The following ZNFX1 variants were observed in gnomAD, a reference collection of about 807,000 sequenced individuals.
ZNFX1 encodes zinc finger NFX1-type containing 1, also known as NFX1-type zinc finger-containing protein 1.
A neutral mutation model predicts 179.8 loss-of-function variants in ZNFX1; 78 were observed. That is an observed-to-expected ratio of 0.43 (90% CI 0.36 to 0.52). The LOEUF is 0.52. Ranked by LOEUF, ZNFX1 falls within the 20% of genes least tolerant of loss-of-function variation. The probability of loss-of-function intolerance (pLI) is 0.00; values close to 1 mark genes in which losing one functional copy is unlikely to be tolerated. For missense variants in ZNFX1, 1,927 were observed against 2,386.6 expected, an observed-to-expected ratio of 0.81 and a Z score of 4.01; for synonymous variants, 848 against 868.5, an observed-to-expected ratio of 0.98 and a Z score of 0.42.
chr20:49,249,558 T>C lies in ZNFX1; in HGVS notation c.3466A>G (p.Ile1156Val). The C allele has an allele frequency of 6.2e-7, 1 of 1,614,238 alleles. No individual in the cohort carries two copies. Among genetic ancestry groups the C allele is most frequent in the Non-Finnish European group, 8.5e-7 (1 of 1,180,040 alleles). The change falls in exon 14 of 14, where the codon ATC (isoleucine) becomes GTC (valine). Residue 1156 changes from isoleucine (I) to valine (V), a missense_variant. Coordinates refer to ENST00000396105, the MANE Select transcript of ZNFX1 (RefSeq NM_021035.3). ...AGCTGCCCGGTATAGGTAGTGAGGA[T>C]GGTGATCTGGGAAGGCAGGTATTCC... ...CQEYLPSQITILTTYTGQLFC... is the reference protein window; with the variant it reads ...CQEYLPSQITVLTTYTGQLFC...
chr20:49,269,921 C>A, intron 3 of ZNFX1, 21 bp downstream of exon 3: 1 of 1,567,376 alleles, frequency 6.4e-7, no homozygotes, highest in Non-Finnish European at 8.6e-7. Context: ...ATCTTATGTA[C>A]TCTAAAAAAT....
rs1183381307 is a variant in ZNFX1, at chr20:49,248,884, C to G, written c.4140G>C (p.Leu1380=). ...FCCQEPCSKS[L]RCGHRCSHPC... is the part of the protein sequence containing the mutation. ...GGTGGCTGCATCTGTGCCCACATCT[C>G]AGAGACTTGGAGCAAGGCTCCTGGC... Residue 1380 remains leucine (L), a synonymous_variant, in exon 14 of 14, where the codon CTG becomes CTC. Transcript: ENST00000396105. The surrounding 1 kb of genome is among the most constrained non-coding windows in gnomAD (Gnocchi z 4.6). 1.2e-6 allele frequency: 2 copies of G among 1,614,274 alleles called. No individual in the cohort carries two copies. The highest frequency in any genetic ancestry group is 1.7e-6 in the Non-Finnish European group (2 of 1,180,052).
chr20:49,261,636 G>A (rs1442002612), intron 6 of ZNFX1, among the ~76,000 whole-genome samples: 2 of 150,882 alleles, frequency 1.3e-5, no homozygotes, highest in South Asian at 2.1e-4. Context: ...ACAACAAACC[G>A]CCATGACACA....
intron 2 of ZNFX1, among the ~76,000 whole-genome samples, chr20:49,274,407 G>A (rs1317214658): frequency 6.6e-6 from 1 of 152,142 alleles, no homozygotes; most frequent in Non-Finnish European, 1.5e-5. Flanking sequence ...GTTATACTGG[G>A]TTAAATAAGA....
Position 49,271,335 on chromosome 20 carries a change from C to G in ZNFX1, c.477G>C (p.Glu159Asp), listed in dbSNP as rs1007709355. ...LESLLQKDPS[E>D]VVITLATSLG... ...AACTTGTGGCAAGTGTGATGACCACCTCAGAAGGGTCTTTCTGCAGAAGAC... is the reference window on the plus strand; with the variant it reads ...AACTTGTGGCAAGTGTGATGACCACGTCAGAAGGGTCTTTCTGCAGAAGAC... Residue 159 changes from glutamate to aspartate, a missense_variant, in exon 3 of 14, where the codon GAG (glutamate) becomes GAC (aspartate). Physicochemically the swap from Glu to Asp is conservative, Grantham distance 45. Coordinates refer to ENST00000396105, the MANE Select transcript of ZNFX1 (RefSeq NM_021035.3). 5.0e-6 allele frequency: 8 copies of G among 1,614,170 alleles called. No homozygotes were observed. The highest frequency in any genetic ancestry group is 6.8e-6 in the Non-Finnish European group (8 of 1,180,030).
chr20:49,269,364 G>A (rs1226887487), intron 3 of ZNFX1, among the ~76,000 whole-genome samples: 1 of 152,144 alleles, frequency 6.6e-6, no homozygotes, highest in African/African-American at 2.4e-5. Context: ...AGGATAGAGT[G>A]GGAGGAGGGT....
intron 3 of ZNFX1, 133 bp downstream of exon 3, chr20:49,269,809 C>G (rs923884595): frequency 6.5e-6 from 7 of 1,083,034 alleles, no homozygotes. Context: ...GCACATGTAC[C>G]CCTAAACCTA....
In ZNFX1 at chr20:49,253,829, G is replaced by C. The variant is rs1980902839; in HGVS notation, c.2960-18C>G. 1.2e-6 allele frequency: 2 copies of C among 1,613,462 alleles called. No homozygotes were observed. Among genetic ancestry groups the C allele is most frequent in the African/African-American group, 2.7e-5 (2 of 75,048 alleles). On this transcript the variant is annotated intron_variant, in intron 10 of 13. Coordinates refer to ENST00000396105, the MANE Select transcript of ZNFX1 (RefSeq NM_021035.3). ...GGCAGCACCTCAAGTGAGGAAAGAA[G>C]AGAAAGGCTCCTCTGAGCTGAGGCA... is the stretch of plus-strand genomic sequence containing the variant.
intron 3 of ZNFX1, among the ~76,000 whole-genome samples, chr20:49,268,784 C>A (rs1189345275): frequency 2.0e-5 from 3 of 152,140 alleles, no homozygotes; most frequent in Non-Finnish European, 4.4e-5. Flanking sequence ...CAAATCAAAA[C>A]CACAATGAGA....
chr20:49,251,139 GCTTT>G (rs879665995), intron 13 of ZNFX1, among the ~76,000 whole-genome samples: 7 of 151,936 alleles, frequency 4.6e-5, no homozygotes, highest in South Asian at 2.1e-4. Flanking sequence ...CCTTCTGAAG[GCTTT>G]CTTTTTTTTT....
At chr20:49,262,188 G>A (rs1189894925) in intron 6 of ZNFX1, among the ~76,000 whole-genome samples, 2 of 151,696 alleles carry the variant, frequency 1.3e-5, no homozygotes, top group Non-Finnish European at 2.9e-5. Context: ...GCCGAGGTGG[G>A]CGGGTCACCT....
intron 2 of ZNFX1, among the ~76,000 whole-genome samples, chr20:49,274,593 T>C (rs1009896519): frequency 2.0e-5 from 3 of 152,024 alleles, no homozygotes; most frequent in African/African-American, 7.2e-5. Flanking sequence ...ACCCTGTCTC[T>C]ACTAAAAACA....
intron 7 of ZNFX1, among the ~76,000 whole-genome samples, chr20:49,259,725 G>A (rs1039558211): frequency 1.3e-5 from 2 of 152,140 alleles, no homozygotes; most frequent in African/African-American, 4.8e-5. Context: ...CACTATGCCC[G>A]GCTAACTTGC....
rs758299164 is a variant in ZNFX1, at chr20:49,247,926, C to T, written c.5098G>A (p.Gly1700Ser). The T allele has an allele frequency of 3.8e-5, 62 of 1,613,940 alleles. No homozygotes were observed. Among genetic ancestry groups the T allele is most frequent in the Admixed American group, 6.7e-5 (4 of 59,976 alleles). ...AAGCTGATGTAATTCTCAACCAGAC[C>T]CAGGTCCTTCACTGACAGATTTTTC... ...AQKNLSVKDL[G>S]LVENYISFYD... Residue 1700 changes from glycine (G) to serine (S), a missense_variant, in exon 14 of 14, where the codon GGT becomes AGT. Gly to Ser is a moderately conservative substitution (Grantham distance 56). Coordinates refer to ENST00000396105, the MANE Select transcript of ZNFX1 (RefSeq NM_021035.3).
chr20:49,264,593 C>A, intron 5 of ZNFX1, 123 bp downstream of exon 5: 1 of 1,231,994 alleles, frequency 8.1e-7, no homozygotes, highest in Non-Finnish European at 1.1e-6. Context: ...CTGAAAGGAA[C>A]CTGGGTCCTC....
At chr20:49,261,888 C>T (rs891679821) in intron 6 of ZNFX1, among the ~76,000 whole-genome samples, 5 of 151,634 alleles carry the variant, frequency 3.3e-5, no homozygotes, top group Middle Eastern at 3.4e-3. Context: ...CCTCGTGATC[C>T]GCCTGCCTCG....
intron 6 of ZNFX1, among the ~76,000 whole-genome samples, chr20:49,261,882 G>A (rs1052411716): frequency 1.5e-4 from 23 of 151,264 alleles, no homozygotes; most frequent in Non-Finnish European, 3.1e-4. Flanking sequence ...TCCTGACCTC[G>A]TGATCCGCCT....
At chr20:49,253,853 C>T in intron 10 of ZNFX1, 42 bp from the exon 11 acceptor site, 1 of 1,606,848 alleles carries the variant, frequency 6.2e-7, no homozygotes, top group East Asian at 2.2e-5. Context: ...TGAGCTGAGG[C>T]ACAGGACCCA....
At chr20:49,264,898 A>G in intron 4 of ZNFX1, 34 bp from the exon 5 acceptor site, 1 of 1,614,064 alleles carries the variant, frequency 6.2e-7, no homozygotes. Flanking sequence ...CAGGGTTGAG[A>G]GGAGCTTATG....
Sources: allele counts gnomAD v4.1 joint callset (sites outside exome capture counted in the v4.1 genomes callset), GRCh38; gene constraint gnomAD v4.1.1; non-coding constraint Gnocchi (gnomAD v3.1); transcripts MANE v1.5; gene names NCBI Gene and HGNC (gene_info 2026-07-23, HGNC 2026-07-21).